The following ARHGAP39 variants were observed in gnomAD, a reference collection of about 807,000 sequenced individuals.
ARHGAP39 encodes Rho GTPase activating protein 39, also known as rho GTPase-activating protein 39.
ARHGAP39 carries 44 observed loss-of-function variants against 106.9 expected under a neutral mutation model. The observed-to-expected ratio is 0.41, with a 90% CI of 0.32 to 0.53. The LOEUF is 0.53. Among genes scored for constraint, ARHGAP39 ranks in the 20% least tolerant of loss-of-function variants. The pLI is 0.21. For missense variants in ARHGAP39, 1,496 were observed against 1,577.3 expected (o/e 0.95, Z 0.87); for synonymous variants, 768 against 693.2 (o/e 1.11, Z -1.69).
At chr8:144,627,567 A>AAAG (rs1586624905) in intron 1 of ARHGAP39, among the ~76,000 whole-genome samples, 1 of 150,578 alleles carries the variant, frequency 6.6e-6, no homozygotes, top group East Asian at 2.0e-4. Context: ...AAAAAAAAAA[A>AAAG]AAAAGAAAGG....
the ARHGAP39 span, among the ~76,000 whole-genome samples, chr8:144,691,188 G>A: frequency 6.6e-6 from 1 of 152,178 alleles, no homozygotes; most frequent in Non-Finnish European, 1.5e-5. Context: ...TGGGGAAACA[G>A]GATTGATTTG....
At chr8:144,678,573 C>A (rs1822303851) in intron 1 of ARHGAP39, among the ~76,000 whole-genome samples, 1 of 152,186 alleles carries the variant, frequency 6.6e-6, no homozygotes, top group Non-Finnish European at 1.5e-5. Context: ...AGGTTGGGGT[C>A]ACGCAGCGCT....
intron 3 of ARHGAP39, among the ~76,000 whole-genome samples, chr8:144,579,657 C>T (rs1424478829): frequency 6.6e-6 from 1 of 152,136 alleles, no homozygotes; most frequent in Non-Finnish European, 1.5e-5. Context: ...GCCTGCACCT[C>T]GGCACGGTGG....
Position 144,684,568 on chromosome 8 carries a change from C to A in ARHGAP39, c.-82+1118G>T, listed in dbSNP as rs1822527725. Among the ~76,000 whole-genome samples the A allele has an allele frequency of 6.6e-6, 1 of 152,186 alleles. No individual in the cohort carries two copies. The highest frequency in any genetic ancestry group is 1.5e-5 in the Non-Finnish European group (1 of 68,016). On this transcript the variant is annotated intron_variant, in intron 1 of 11. Transcript: ENST00000377307. This position sits in a 1 kb window ranked among gnomAD's most constrained non-coding sequence, Gnocchi z 4.4. ...CGTTTCCGAAGCTGCGCAGCGCCCA[C>A]AGCAGCTGCTGGTGGGAAGCGGCTC...
At chr8:144,663,969 C>A (rs921083413) in intron 1 of ARHGAP39, among the ~76,000 whole-genome samples, 1 of 152,072 alleles carries the variant, frequency 6.6e-6, no homozygotes, top group Non-Finnish European at 1.5e-5. Context: ...GAGTTCAAGA[C>A]CAGCTTGGGC....
intron 10 of ARHGAP39, among the ~76,000 whole-genome samples, chr8:144,532,094 T>G (rs1250814427): frequency 1.0e-4 from 15 of 149,066 alleles, no homozygotes; most frequent in Non-Finnish European, 1.5e-5. Context: ...AGGTGGGGAG[T>G]GGGCTGCATT....
chr8:144,675,497 G>A (rs1169773046), intron 1 of ARHGAP39, among the ~76,000 whole-genome samples: 5 of 152,198 alleles, frequency 3.3e-5, no homozygotes, highest in South Asian at 2.1e-4. Flanking sequence ...GCAGACCTTC[G>A]TGGTTAGTGT....
At chr8:144,555,524 C>T in intron 4 of ARHGAP39, 36 bp downstream of exon 4, 2 of 1,584,734 alleles carry the variant, frequency 1.3e-6, no homozygotes, top group South Asian at 2.2e-5. Flanking sequence ...AGCCGCCCTC[C>T]ATCACAAACG....
chr8:144,659,370 A>G (rs556755954), intron 1 of ARHGAP39, among the ~76,000 whole-genome samples: 3 of 152,324 alleles, frequency 2.0e-5, no homozygotes, highest in Non-Finnish European at 2.9e-5. Flanking sequence ...TCTTAACACA[A>G]TTAGATATGA....
intron 2 of ARHGAP39, among the ~76,000 whole-genome samples, chr8:144,581,657 C>A (rs1818996105): frequency 6.6e-6 from 1 of 152,214 alleles, no homozygotes; most frequent in South Asian, 2.1e-4. Flanking sequence ...GCTCAGTAGC[C>A]CCTCCGCTGC....
rs1816571541 is a variant in ARHGAP39, at chr8:144,529,595, C to T, written c.*827G>A. The T allele has an allele frequency of 1.3e-5, 2 of 152,216 alleles. No individual in the cohort carries two copies. The highest frequency in any genetic ancestry group is 2.9e-5 in the Non-Finnish European group (2 of 68,062). 9.4% of individuals were successfully genotyped at this position (152,216 alleles called of 1,614,324 possible). On this transcript the variant is annotated 3_prime_UTR_variant, in exon 12 of 12. Transcript: ENST00000377307. Reference sequence around the variant, plus strand: ...CGGAGAAGAAAAGAAGGAATGACCTCAACTTGCTCTGCACGGAGGACGGGG... The same window carrying T: ...CGGAGAAGAAAAGAAGGAATGACCTTAACTTGCTCTGCACGGAGGACGGGG...
chr8:144,648,537 A>G (rs1259196852), intron 1 of ARHGAP39, among the ~76,000 whole-genome samples: 1 of 152,210 alleles, frequency 6.6e-6, no homozygotes, highest in East Asian at 1.9e-4. Context: ...GATATCAGAT[A>G]TTGGAAACTC....
the ARHGAP39 span, chr8:144,699,096 G>T: frequency 3.1e-6 from 1 of 321,080 alleles, no homozygotes; most frequent in East Asian, 1.0e-4. Context: ...GGAGGTACCC[G>T]GAGCCCAGCC....
intron 3 of ARHGAP39, among the ~76,000 whole-genome samples, chr8:144,566,678 A>G (rs1818408051): frequency 6.6e-6 from 1 of 152,088 alleles, no homozygotes; most frequent in South Asian, 2.1e-4. Context: ...CAACATGGTG[A>G]AACGCCGGCT....
chr8:144,628,273 C>T lies in ARHGAP39; in HGVS notation c.-81-22578G>A, dbSNP rs1820975033. On this transcript the variant is annotated intron_variant, in intron 1 of 11. Transcript: ENST00000377307. ...GCTCTCCCCAGCCCTTTGAGCATAGCATGGTGTGGGCTGTCAGTGAACATT... is the reference window on the plus strand; with the variant it reads ...GCTCTCCCCAGCCCTTTGAGCATAGTATGGTGTGGGCTGTCAGTGAACATT... Among the ~76,000 whole-genome samples the T allele has an allele frequency of 2.0e-5, 3 of 152,236 alleles. 1 individual carries two copies. In the South Asian group the frequency reaches 6.2e-4, roughly 32 times the overall value.
chr8:144,533,416 G>A, intron 8 of ARHGAP39, 91 bp from the exon 9 acceptor site: 2 of 1,310,362 alleles, frequency 1.5e-6, no homozygotes, highest in South Asian at 2.6e-5. Context: ...AACATAGGTG[G>A]GTGGCGCTCT....
chr8:144,628,128 G>A (rs1820971181), intron 1 of ARHGAP39, among the ~76,000 whole-genome samples: 1 of 152,224 alleles, frequency 6.6e-6, no homozygotes, highest in African/African-American at 2.4e-5. Flanking sequence ...AACTGCAGGT[G>A]GCTGATGTTG....
intron 1 of ARHGAP39, among the ~76,000 whole-genome samples, chr8:144,676,204 C>T (rs1480515682): frequency 6.6e-6 from 1 of 152,232 alleles, no homozygotes. Flanking sequence ...TGGCTCCACC[C>T]ACCTCCCACC....
At chr8:144,595,216 A>G (rs954419212) in intron 2 of ARHGAP39, among the ~76,000 whole-genome samples, 2 of 152,226 alleles carry the variant, frequency 1.3e-5, no homozygotes, top group African/African-American at 4.8e-5. Flanking sequence ...TGATGCATGA[A>G]GAAGCAAAAT....
Sources: allele counts gnomAD v4.1 joint callset (sites outside exome capture counted in the v4.1 genomes callset), GRCh38; gene constraint gnomAD v4.1.1; non-coding constraint Gnocchi (gnomAD v3.1); transcripts MANE v1.5; gene names NCBI Gene and HGNC (gene_info 2026-07-23, HGNC 2026-07-21).